The following DPP6 variants were observed in gnomAD, a reference collection of about 807,000 sequenced individuals.
The protein encoded by DPP6 is dipeptidyl peptidase like 6, also known as A-type potassium channel modulatory protein DPP6.
Under a neutral mutation model 122.6 loss-of-function variants are expected in DPP6, and 69 were observed. The observed-to-expected ratio is 0.56, with a 90% CI of 0.46 to 0.69. The LOEUF is 0.69. Among genes scored for constraint, DPP6 ranks in the 30% least tolerant of loss-of-function variants. DPP6 has a pLI of 0.00. For synonymous variants in DPP6, 418 were observed against 433.1 expected (o/e 0.97, Z 0.43); for missense variants, 928 against 1,116.9 (o/e 0.83, Z 2.41).
At chr7:154,813,859 A>C (rs1799234662) in intron 16 of DPP6, among the ~76,000 whole-genome samples, 1 of 147,978 alleles carries the variant, frequency 6.8e-6, no homozygotes, top group Admixed American at 6.9e-5. Context: ...AGTTCTTTAC[A>C]ATTTGAAAAG....
intron 5 of DPP6, among the ~76,000 whole-genome samples, chr7:154,572,181 T>C (rs2130573389): frequency 6.6e-6 from 1 of 152,262 alleles, no homozygotes; most frequent in South Asian, 2.1e-4. Context: ...GCCATCGTGG[T>C]GAGTTGATAG....
At chr7:154,829,929 C>A (rs1800498847) in intron 16 of DPP6, among the ~76,000 whole-genome samples, 1 of 152,120 alleles carries the variant, frequency 6.6e-6, no homozygotes. Flanking sequence ...CCCCTGGGCC[C>A]TTTCTGTTTG....
At chr7:154,452,603 T>C (rs6978845) in intron 2 of DPP6, among the ~76,000 whole-genome samples, 45,338 of 152,196 alleles carry the variant, frequency 0.3, 7,792 homozygotes, top group African/African-American at 0.46. Context: ...GAGTACAGTA[T>C]CTGCTTTCTA....
chr7:154,074,110 G>GATATATATAT (rs1563170874), intron 1 of DPP6, among the ~76,000 whole-genome samples: 4 of 46,862 alleles, frequency 8.5e-5, no homozygotes, highest in East Asian at 1.1e-3. Context: ...TAGAGATAGA[G>GATATATATAT]AGATATATAT....
intron 5 of DPP6, among the ~76,000 whole-genome samples, chr7:154,569,928 G>T (rs2130556626): frequency 6.6e-6 from 1 of 151,926 alleles, no homozygotes; most frequent in East Asian, 1.9e-4. Context: ...GCATCTTGGA[G>T]CCATCTTCCT....
intron 4 of DPP6, among the ~76,000 whole-genome samples, chr7:154,560,262 AT>A (rs1563855093): frequency 6.6e-6 from 1 of 152,174 alleles, no homozygotes; most frequent in Non-Finnish European, 1.5e-5. Flanking sequence ...ATAATAAAAT[AT>A]GTCCAGCTCC....
the DPP6 span, among the ~76,000 whole-genome samples, chr7:153,877,009 G>A: frequency 1.3e-5 from 2 of 152,042 alleles, no homozygotes; most frequent in African/African-American, 4.8e-5. Context: ...GAGTGAGTCT[G>A]GGAGTGAGTG....
At chr7:154,111,776 A>ATT (rs1286104630) in intron 1 of DPP6, among the ~76,000 whole-genome samples, 32 of 152,168 alleles carry the variant, frequency 2.1e-4, no homozygotes, top group Non-Finnish European at 4.0e-4. Flanking sequence ...AAATCTGCAC[A>ATT]CAGTGTCTTG....
At chr7:153,904,166 C>T (rs1799750515) in intron 1 of DPP6, among the ~76,000 whole-genome samples, 1 of 152,276 alleles carries the variant, frequency 6.6e-6, no homozygotes, top group Middle Eastern at 3.4e-3. Flanking sequence ...ATTCTCCTGC[C>T]TCAGCCTCCC....
At chr7:153,784,474 G>A in the DPP6 span, among the ~76,000 whole-genome samples, 1 of 152,302 alleles carries the variant, frequency 6.6e-6, no homozygotes, top group African/African-American at 2.4e-5. Context: ...TGTTTGAAAG[G>A]TAGACATTTG....
In DPP6 at chr7:154,805,850, C is replaced by T. The variant is rs182461213; in HGVS notation, c.1547+886C>T. ...GTCTGCTGCCTCCCCCGTGCCTCTG[C>T]ATGGGATGGCTGCAGCCAGTTACAC... is the stretch of plus-strand genomic sequence containing the variant. On this transcript the variant is annotated intron_variant, in intron 15 of 25. Transcript: ENST00000377770. 1.5e-3 allele frequency among the ~76,000 whole-genome samples: 235 copies of T among 152,336 alleles called. 1 individual carries two copies. The highest frequency in any genetic ancestry group is 5.4e-3 in the African/African-American group (224 of 41,586).
chr7:154,496,976 T>A (rs1824796927), intron 3 of DPP6, among the ~76,000 whole-genome samples: 1 of 152,180 alleles, frequency 6.6e-6, no homozygotes, highest in African/African-American at 2.4e-5. Flanking sequence ...CATTCACTCA[T>A]GCAGCATTGT....
Position 154,821,667 on chromosome 7 carries a change from C to CAT in DPP6, c.1666+14565_1666+14566dup, listed in dbSNP as rs1563249287. ...ATATACACATATATATATATATACACATATATATATACACACACATATATA... is the reference window on the plus strand; with the variant it reads ...ATATACACATATATATATATATACACATATATATATATACACACACATATATA... On this transcript the variant is annotated intron_variant, in intron 16 of 25. Transcript: ENST00000377770. This position sits in a 1 kb window ranked among gnomAD's most constrained non-coding sequence, Gnocchi z 4.2. 1.4e-4 allele frequency among the ~76,000 whole-genome samples: 20 copies of CAT among 140,240 alleles called. No individual in the cohort carries two copies. The highest frequency in any genetic ancestry group is 6.1e-4 in the East Asian group (3 of 4,904). The allele number at this position is 140,240 out of a possible 152,430, so 92.0% of individuals were successfully genotyped here. A position where few individuals can be genotyped will look rare whatever the true frequency, so the allele number is the denominator to read the frequency against.
chr7:153,841,764 T>C, the DPP6 span, among the ~76,000 whole-genome samples: 1 of 152,122 alleles, frequency 6.6e-6, no homozygotes, highest in East Asian at 1.9e-4. Context: ...CTGAGGAAAA[T>C]TGGGAAGAAT....
intron 2 of DPP6, among the ~76,000 whole-genome samples, chr7:154,463,195 CTTTTTTTTTTTTTTTTT>C (rs368362408): frequency 5.9e-5 from 5 of 84,110 alleles, no homozygotes; most frequent in East Asian, 3.3e-4. Flanking sequence ...TTCTCCTTTT[CTTTTTTTTTTTTTTTTT>C]TTTTTTTTTT....
chr7:154,769,733 C>T (rs1796133858), intron 9 of DPP6, among the ~76,000 whole-genome samples, 162 bp downstream of exon 9: 1 of 152,218 alleles, frequency 6.6e-6, no homozygotes, highest in African/African-American at 2.4e-5. Context: ...ACATTCCCGC[C>T]TCTGTTGAGC....
chr7:154,770,037 C>A (rs1011519342), intron 9 of DPP6, among the ~76,000 whole-genome samples: 1 of 152,098 alleles, frequency 6.6e-6, no homozygotes, highest in African/African-American at 2.4e-5. Flanking sequence ...AAATCCTAAC[C>A]CCCAAGGTGA....
intron 1 of DPP6, among the ~76,000 whole-genome samples, chr7:154,006,558 C>A (rs918135795): frequency 6.6e-6 from 1 of 152,168 alleles, no homozygotes; most frequent in Non-Finnish European, 1.5e-5. Context: ...GTAATTCGAT[C>A]ACTAGGGTAG....
intron 1 of DPP6, among the ~76,000 whole-genome samples, chr7:153,974,794 C>T (rs531106592): frequency 6.6e-6 from 1 of 152,316 alleles, no homozygotes; most frequent in South Asian, 2.1e-4. Flanking sequence ...GCAAGGCAGT[C>T]AGCTGTTTAC....
Sources: allele counts gnomAD v4.1 joint callset (sites outside exome capture counted in the v4.1 genomes callset), GRCh38; gene constraint gnomAD v4.1.1; non-coding constraint Gnocchi (gnomAD v3.1); transcripts MANE v1.5; gene names NCBI Gene and HGNC (gene_info 2026-07-23, HGNC 2026-07-21).